CHORDC1: variants seen among roughly 807,000 people sequenced by gnomAD.
CHORDC1 encodes cysteine and histidine rich domain containing 1.
CHORDC1 carries 25 observed loss-of-function variants against 48.3 expected under a neutral mutation model. The observed-to-expected ratio is 0.52, with a 90% CI of 0.38 to 0.72. The LOEUF (loss-of-function observed/expected upper bound fraction) is 0.72, where lower values mean the gene tolerates loss of function less well. CHORDC1 is among the 30% of genes least tolerant of loss of function. The probability of loss-of-function intolerance (pLI) is 0.00; values close to 1 mark genes in which losing one functional copy is unlikely to be tolerated. For synonymous variants in CHORDC1, 128 were observed against 126.4 expected, an observed-to-expected ratio of 1.01 and a Z score of -0.09; for missense variants, 317 against 388.7, an observed-to-expected ratio of 0.82 and a Z score of 1.55.
chr11:90,206,794 T>C, intron 6 of CHORDC1: 2 of 1,286,856 alleles, frequency 1.6e-6, no homozygotes, highest in Non-Finnish European at 2.0e-6. Context: ...GCCCCATTGC[T>C]GCTGTAGATG....
Position 90,202,812 on chromosome 11 carries a change from C to T in CHORDC1, c.852+1G>A. 2 of 1,594,504 alleles carry T rather than the reference C, an allele frequency of 1.3e-6. No homozygotes were observed. The highest frequency in any genetic ancestry group is 1.8e-5 in the Admixed American group (1 of 55,228). ...AATTCTTATAAATTTGTAATACTTA[C>T]ACCCCATAATTTCACATTTTGATCA... is the stretch of plus-strand genomic sequence containing the variant. On this transcript the variant is annotated splice_donor_variant, in intron 10 of 10. Coordinates refer to ENST00000320585, the MANE Select transcript of CHORDC1 (RefSeq NM_012124.3). LOFTEE classifies it high-confidence loss of function.
At chr11:90,207,770 AAAAAAAAAC>A (rs1261062073) in intron 6 of CHORDC1, 2 of 148,544 alleles carry the variant, frequency 1.3e-5, no homozygotes, top group South Asian at 2.1e-4. Flanking sequence ...ACAAAAAAAA[AAAAAAAAAC>A]AAAAAAAACT....
chr11:90,206,748 C>CTATA, intron 6 of CHORDC1: 7 of 1,274,474 alleles, frequency 5.5e-6, no homozygotes, highest in Non-Finnish European at 7.2e-6. Context: ...AGCTGCAGAC[C>CTATA]TATATATATA....
chr11:90,202,670 A>G, intron 10 of CHORDC1, 119 bp from the exon 11 acceptor site: 2 of 1,386,942 alleles, frequency 1.4e-6, no homozygotes, highest in Non-Finnish European at 2.0e-6. Flanking sequence ...CCTCTTTTAT[A>G]TCTAGTCTTA....
At chr11:90,218,971 A>T (rs1591061497) in intron 1 of CHORDC1, among the ~76,000 whole-genome samples, 1 of 126,524 alleles carries the variant, frequency 7.9e-6, no homozygotes, top group South Asian at 2.8e-4. Context: ...AAAAAAAAAA[A>T]AAATAGAAGT....
chr11:90,214,843 T>C, intron 3 of CHORDC1, among the ~76,000 whole-genome samples: 1 of 152,080 alleles, frequency 6.6e-6, no homozygotes, highest in Non-Finnish European at 1.5e-5. Flanking sequence ...TGTAAAATAT[T>C]TCAACAGCAT....
intron 2 of CHORDC1, among the ~76,000 whole-genome samples, chr11:90,215,723 G>T (rs1232957078): frequency 6.6e-6 from 1 of 152,006 alleles, no homozygotes; most frequent in African/African-American, 2.4e-5. Flanking sequence ...TTAAGCCTTT[G>T]AAGGTGATCT....
rs1037466582 is a variant in CHORDC1, at chr11:90,203,563, C to T, written c.670-136G>A. 4.3e-5 allele frequency: 27 copies of T among 622,224 alleles called. 1 individual carries two copies. The South Asian group carries it at 8.5e-4, about 20-fold the overall frequency. 38.5% of individuals were successfully genotyped at this position (622,224 alleles called of 1,614,324 possible). A position where few individuals can be genotyped will look rare whatever the true frequency, so the allele number is the denominator to read the frequency against. On this transcript the variant is annotated intron_variant, in intron 8 of 10. Transcript: ENST00000320585. ...CTTAATGTTTAAGGGCAAAAAACTT[C>T]TATATTTCCCAAGAGGCTTAAACAA...
At chr11:90,215,264 T>A (rs1170064357) in intron 2 of CHORDC1, 34 bp from the exon 3 acceptor site, 5 of 1,431,636 alleles carry the variant, frequency 3.5e-6, no homozygotes, top group Non-Finnish European at 4.8e-6. Flanking sequence ...CTAAAAACTC[T>A]ATTTGCATGA....
In CHORDC1 at chr11:90,222,965, C is replaced by T; in HGVS notation, c.-11G>A. On this transcript the variant is annotated 5_prime_UTR_variant, in exon 1 of 11. Coordinates refer to ENST00000320585, the MANE Select transcript of CHORDC1 (RefSeq NM_012124.3). ...GCACAGCAAGGCCATTTTCTTTTCC[C>T]ACCGTCACAGGCAAGGCCCAAACAC... 1 of 1,612,824 alleles carries T rather than the reference C, an allele frequency of 6.2e-7. No homozygotes were observed.
chr11:90,205,626 T>C (rs1372731603), intron 7 of CHORDC1, 61 bp from the exon 8 acceptor site: 13 of 1,028,650 alleles, frequency 1.3e-5, no homozygotes, highest in Non-Finnish European at 1.9e-5. Flanking sequence ...AATCCACAAG[T>C]ATTTTAGGGA....
chr11:90,210,517 C>G lies in CHORDC1; in HGVS notation c.492+19G>C, dbSNP rs758031686. ...TAAAATTTTACTTCATAACACATCACAAATCTTGTGATATATACCTTTGAA... is the reference window on the plus strand; with the variant it reads ...TAAAATTTTACTTCATAACACATCAGAAATCTTGTGATATATACCTTTGAA... On this transcript the variant is annotated intron_variant, in intron 6 of 10. Coordinates refer to ENST00000320585, the MANE Select transcript of CHORDC1 (RefSeq NM_012124.3). 9 of 1,534,176 alleles carry G rather than the reference C, an allele frequency of 5.9e-6. No homozygotes were observed. The Admixed American group carries it at 7.3e-5, about 13-fold the overall frequency.
chr11:90,219,109 T>C (rs377384333), intron 1 of CHORDC1, among the ~76,000 whole-genome samples: 7 of 151,862 alleles, frequency 4.6e-5, no homozygotes, highest in Admixed American at 4.6e-4. Context: ...CTACTAAAAA[T>C]ACAAAAATTA....
chr11:90,216,481 C>T (rs549925741), intron 2 of CHORDC1: 3 of 367,846 alleles, frequency 8.2e-6, no homozygotes, highest in Non-Finnish European at 1.6e-5. Context: ...ACTAGTATCC[C>T]TGTATTGATG....
At chr11:90,217,669 G>A (rs1365460078) in intron 2 of CHORDC1, 2 of 152,336 alleles carry the variant, frequency 1.3e-5, no homozygotes, top group African/African-American at 4.8e-5. Flanking sequence ...GGAGGCTGAG[G>A]CAGGTGGATC....
intron 1 of CHORDC1, among the ~76,000 whole-genome samples, chr11:90,219,717 C>G (rs1858115993): frequency 6.6e-6 from 1 of 152,218 alleles, no homozygotes; most frequent in African/African-American, 2.4e-5. Flanking sequence ...GCTCTCAGCT[C>G]TAAGGCTGTG....
chr11:90,220,945 A>G (rs1360125637), intron 1 of CHORDC1, among the ~76,000 whole-genome samples: 1 of 152,074 alleles, frequency 6.6e-6, no homozygotes, highest in Non-Finnish European at 1.5e-5. Flanking sequence ...TAAGTTACCA[A>G]CTGTGTCTCC....
intron 6 of CHORDC1, 125 bp downstream of exon 6, chr11:90,210,411 G>A: frequency 4.6e-6 from 3 of 650,300 alleles, no homozygotes; most frequent in Non-Finnish European, 5.5e-6. Flanking sequence ...TGTAGCCCTA[G>A]TCCCCAGCAT....
rs1339890103 is a variant in CHORDC1, at chr11:90,201,426, A to G, written c.*979T>C. ...TATCACTAGAATTGTGAAGCTCTTCATGACTTTAAAAAAAAACTCCAAAAC... is the reference window on the plus strand; with the variant it reads ...TATCACTAGAATTGTGAAGCTCTTCGTGACTTTAAAAAAAAACTCCAAAAC... On this transcript the variant is annotated 3_prime_UTR_variant, in exon 11 of 11. Transcript: ENST00000320585. 1 of 151,884 alleles carries G rather than the reference A, an allele frequency of 6.6e-6. No individual in the cohort carries two copies. Among genetic ancestry groups the G allele is most frequent in the Non-Finnish European group, 1.5e-5 (1 of 67,836 alleles). 9.4% of individuals were successfully genotyped at this position (151,884 alleles called of 1,614,324 possible).
Sources: gnomAD v4.1 joint callset for allele counts (sites outside exome capture counted in the v4.1 genomes callset) on GRCh38, gnomAD v4.1.1 for gene constraint, MANE v1.5 for transcripts, NCBI Gene and HGNC (gene_info 2026-07-23, HGNC 2026-07-21) for gene names.